Variants in DIP2C observed in about 807,000 individuals in gnomAD.
DIP2C encodes DIP2 acetate--CoA ligase C (putative), also known as disco-interacting protein 2 homolog C.
A neutral mutation model predicts 192.4 loss-of-function variants in DIP2C; 33 were observed. The ratio of observed to expected loss-of-function variants is 0.17; its 90% confidence interval spans 0.13 to 0.23. DIP2C has a LOEUF of 0.23. Ranked by LOEUF, DIP2C falls within the 10% of genes least tolerant of loss-of-function variation. The pLI, the probability that DIP2C is intolerant of heterozygous loss-of-function variation, is 1.00. For missense variants in DIP2C, 1,537 were observed against 2,110.1 expected (o/e 0.73, Z 5.32); for synonymous variants, 979 against 864.1 (o/e 1.13, Z -2.33).
At chr10:593,085 C>T (rs1021500967) in intron 1 of DIP2C, among the ~76,000 whole-genome samples, 2 of 152,064 alleles carry the variant, frequency 1.3e-5, no homozygotes, top group Non-Finnish European at 2.9e-5. Flanking sequence ...TGGCCGGGAA[C>T]GGTGGCTCAT....
chr10:403,834 T>G (rs1964598001), intron 9 of DIP2C, among the ~76,000 whole-genome samples: 1 of 122,806 alleles, frequency 8.1e-6, no homozygotes, highest in African/African-American at 3.1e-5. Flanking sequence ...CATCAGCACA[T>G]GAATCCTGTG....
intron 1 of DIP2C, among the ~76,000 whole-genome samples, chr10:655,569 T>G (rs1224790664): frequency 1.3e-5 from 2 of 152,206 alleles, no homozygotes; most frequent in East Asian, 3.8e-4. Context: ...TAATAGTCAC[T>G]GTCCTCTCTG....
At chr10:345,645 C>T (rs1179858439) in intron 26 of DIP2C, among the ~76,000 whole-genome samples, 2 of 106,290 alleles carry the variant, frequency 1.9e-5, no homozygotes, top group African/African-American at 4.2e-5. Flanking sequence ...ATAGTTCTCC[C>T]GGGAACCCTA....
At chr10:393,797 G>GAAAAAAA (rs1161399125) in intron 10 of DIP2C, among the ~76,000 whole-genome samples, 2 of 78,798 alleles carry the variant, frequency 2.5e-5, no homozygotes, top group African/African-American at 8.8e-5. Flanking sequence ...AAAAAAAAAA[G>GAAAAAAA]AAAAAAAAAG....
chr10:526,455 G>A (rs1043286382), intron 1 of DIP2C, among the ~76,000 whole-genome samples: 3 of 151,698 alleles, frequency 2.0e-5, no homozygotes, highest in Non-Finnish European at 4.4e-5. Flanking sequence ...CTGCACAGCT[G>A]GGGCCCAGAA....
chr10:368,459 G>A (rs1327641536), intron 18 of DIP2C, among the ~76,000 whole-genome samples: 2 of 152,248 alleles, frequency 1.3e-5, no homozygotes, highest in Non-Finnish European at 2.9e-5. Flanking sequence ...AGGGCTGCAG[G>A]CAGAGGCAGA....
chr10:604,768 A>C (rs1389069525), intron 1 of DIP2C, among the ~76,000 whole-genome samples: 1 of 152,228 alleles, frequency 6.6e-6, no homozygotes, highest in Admixed American at 6.5e-5. Context: ...ACAAATGTTT[A>C]ATTTAGGGGG....
intron 1 of DIP2C, among the ~76,000 whole-genome samples, chr10:576,032 C>T (rs1377798211): frequency 6.6e-6 from 1 of 152,206 alleles, no homozygotes; most frequent in Admixed American, 6.5e-5. Flanking sequence ...ACACCTGTTG[C>T]CATCCAGCAC....
At chr10:285,926 G>C (rs1293094438) in intron 34 of DIP2C, among the ~76,000 whole-genome samples, 2 of 152,176 alleles carry the variant, frequency 1.3e-5, no homozygotes, top group Admixed American at 6.5e-5. Context: ...CCACTTTCCT[G>C]GTGAAGGACT....
At chr10:598,848 C>T (rs1273401717) in intron 1 of DIP2C, among the ~76,000 whole-genome samples, 1 of 152,240 alleles carries the variant, frequency 6.6e-6, no homozygotes, top group African/African-American at 2.4e-5. Context: ...CTTTGTAACT[C>T]TGCATCAATT....
intron 1 of DIP2C, among the ~76,000 whole-genome samples, chr10:537,594 G>A (rs1847762665): frequency 6.6e-6 from 1 of 151,252 alleles, no homozygotes; most frequent in Non-Finnish European, 1.5e-5. Context: ...TTGTGCCCAG[G>A]GCACCCAGGA....
chr10:311,345 G>A (rs1459234077), intron 31 of DIP2C, among the ~76,000 whole-genome samples: 3 of 152,242 alleles, frequency 2.0e-5, no homozygotes, highest in Non-Finnish European at 2.9e-5. Flanking sequence ...CGCGCACCCC[G>A]GGAAGACAGC....
chr10:654,350 T>C (rs1856145045), intron 1 of DIP2C, among the ~76,000 whole-genome samples: 1 of 152,208 alleles, frequency 6.6e-6, no homozygotes, highest in Non-Finnish European at 1.5e-5. Flanking sequence ...GGTGAAGTCA[T>C]TTAGGTGCAG....
rs765621138 is a variant in DIP2C, at chr10:484,637, G to A, written c.157+1822C>T. 7.0e-5 allele frequency: 83 copies of A among 1,193,960 alleles called. 1 individual carries two copies. The highest frequency in any genetic ancestry group is 9.2e-5 in the Non-Finnish European group (81 of 879,240). The allele number at this position is 1,193,960 out of a possible 1,614,324, so 74.0% of individuals were successfully genotyped here. On this transcript the variant is annotated intron_variant, in intron 2 of 36. Coordinates refer to ENST00000280886, the MANE Select transcript of DIP2C (RefSeq NM_014974.3). ...GGTCTCTGGCGAGCTCTGGGCCTGT[G>A]GAGCGACCTGGCTCACTGGAGAATG... is the stretch of plus-strand genomic sequence containing the variant.
rs368272835 is a variant in DIP2C at position 283,254 on chromosome 10, G to A, written c.4294+18C>T. The A allele has an allele frequency of 1.9e-6, 3 of 1,607,918 alleles. No homozygotes were observed. Among genetic ancestry groups the A allele is most frequent in the African/African-American group, 2.7e-5 (2 of 74,586 alleles). On this transcript the variant is annotated intron_variant, in intron 35 of 36. Coordinates refer to ENST00000280886, the MANE Select transcript of DIP2C (RefSeq NM_014974.3). The stretch of plus-strand genomic sequence containing the variant: ...TCTGCCCATCTGTTGGGGGGGGGCC[G>A]CCAGCCTGGACTCTCACCTCCATTT...
chr10:581,140 C>G (rs1341614591), intron 1 of DIP2C, among the ~76,000 whole-genome samples: 3 of 152,148 alleles, frequency 2.0e-5, no homozygotes, highest in Admixed American at 1.3e-4. Flanking sequence ...AAGTAGGATT[C>G]CCCACCACAA....
At chr10:311,665 GA>G in intron 31 of DIP2C, 1 of 981,438 alleles carries the variant, frequency 1.0e-6, no homozygotes, top group Non-Finnish European at 1.3e-6. Flanking sequence ...ACCCGACAGT[GA>G]AAAATGGGAT....
intron 1 of DIP2C, among the ~76,000 whole-genome samples, chr10:627,261 G>A (rs919331844): frequency 1.1e-3 from 173 of 152,302 alleles, no homozygotes; most frequent in African/African-American, 4.0e-3. Context: ...CAAGAAGGCC[G>A]GACAAGGGCC....
chr10:528,774 T>G (rs1241935661), intron 1 of DIP2C, among the ~76,000 whole-genome samples: 3 of 152,196 alleles, frequency 2.0e-5, no homozygotes, highest in Non-Finnish European at 4.4e-5. Context: ...ACTGCATCAG[T>G]GCTTCCACAG....
Sources: allele counts gnomAD v4.1 joint callset (sites outside exome capture counted in the v4.1 genomes callset), GRCh38; gene constraint gnomAD v4.1.1; transcripts MANE v1.5; gene names NCBI Gene and HGNC (gene_info 2026-07-23, HGNC 2026-07-21).